MKI67: variants seen among roughly 807,000 people sequenced by gnomAD.
MKI67 encodes proliferation marker protein Ki-67.
In MKI67, 152 loss-of-function variants were observed where a neutral mutation model predicts 233.5. That is an observed-to-expected ratio of 0.65 (90% CI 0.57 to 0.74). MKI67 has a LOEUF of 0.74. MKI67 is among the 30% of genes least tolerant of loss of function. MKI67 has a pLI of 0.00. For missense variants in MKI67, 3,940 were observed against 3,885.2 expected (o/e 1.01, Z -0.37); for synonymous variants, 1,465 against 1,418.5 (o/e 1.03, Z -0.74).
intron 11 of MKI67, 32 bp from the exon 12 acceptor site, chr10:128,110,565 A>T: frequency 6.7e-7 from 1 of 1,502,774 alleles, no homozygotes; most frequent in Non-Finnish European, 9.1e-7. Context: ...AAAGTGATTG[A>T]CATATTGCTA....
intron 4 of MKI67, among the ~76,000 whole-genome samples, chr10:128,121,988 C>T (rs1038146404): frequency 6.6e-5 from 10 of 152,108 alleles, no homozygotes; most frequent in Non-Finnish European, 1.5e-4. Context: ...TAGTGAAACT[C>T]GAGACGTTTA....
At chr10:128,113,212 C>T (rs975833913) in intron 8 of MKI67, among the ~76,000 whole-genome samples, 3 of 152,144 alleles carry the variant, frequency 2.0e-5, no homozygotes, top group East Asian at 3.9e-4. Flanking sequence ...AGGACTCCCC[C>T]GACTCGGTCG....
At chr10:128,118,679 C>T (rs1004674692) in intron 5 of MKI67, among the ~76,000 whole-genome samples, 4 of 152,158 alleles carry the variant, frequency 2.6e-5, no homozygotes, top group Non-Finnish European at 4.4e-5. Flanking sequence ...ATCTAAATTG[C>T]GAAGCACGTG....
intron 5 of MKI67, 98 bp from the exon 6 acceptor site, chr10:128,116,634 T>C: frequency 5.9e-6 from 7 of 1,184,870 alleles, no homozygotes; most frequent in Non-Finnish European, 8.7e-6. Flanking sequence ...TGGCTGGGCA[T>C]GATGGCTCAT....
In MKI67 at chr10:128,106,230, T is replaced by C; in HGVS notation, c.5610A>G (p.Pro1870=). The change falls in exon 13 of 15, where the codon CCA becomes CCG. Residue 1870 remains proline (P), a synonymous_variant. Transcript: ENST00000368654. ...TCTTGGGCCGTTGCTTTGTGTTTGT[T>C]GGGGTGTCCGCTGGGTCTGATTGCG... ...KSPQSDPADT[P]TNTKQRPKRS... 1 of 1,614,046 alleles carries C rather than the reference T, an allele frequency of 6.2e-7. No homozygotes were observed. Among genetic ancestry groups the C allele is most frequent in the Non-Finnish European group, 8.5e-7 (1 of 1,180,012 alleles).
At chr10:128,124,531 T>A (rs1853015779) in intron 2 of MKI67, among the ~76,000 whole-genome samples, 1 of 152,174 alleles carries the variant, frequency 6.6e-6, no homozygotes, top group African/African-American at 2.4e-5. Flanking sequence ...AGATTGCAAA[T>A]CCATGGCTCC....
intron 13 of MKI67, 21 bp from the exon 14 acceptor site, chr10:128,101,722 C>G: frequency 6.5e-7 from 1 of 1,541,910 alleles, no homozygotes; most frequent in Non-Finnish European, 8.7e-7. Context: ...GAGAAGACAT[C>G]CACAAAATTC....
rs781189041 is a variant in MKI67 at position 128,115,037 on chromosome 10, T to C, written c.1371A>G (p.Gln457=). The C allele has an allele frequency of 3.1e-6, 5 of 1,613,084 alleles. No individual in the cohort carries two copies. Among genetic ancestry groups the C allele is most frequent in the East Asian group, 4.5e-5 (2 of 44,866 alleles). ...LWLTQVERKI[Q]KDSLSKPEKL... is the part of the protein sequence containing the mutation. Reference sequence around the variant, plus strand: ...TCTCAGGCTTGCTGAGGGAATCCTTTTGGATCTTCCTCTCAACTTGAGTGA... The same window carrying C: ...TCTCAGGCTTGCTGAGGGAATCCTTCTGGATCTTCCTCTCAACTTGAGTGA... Residue 457 remains glutamine (Q), a synonymous_variant, in exon 7 of 15, where the codon CAA becomes CAG. Transcript: ENST00000368654.
At chr10:128,101,120 G>A in intron 14 of MKI67, 138 bp downstream of exon 14, 2 of 769,718 alleles carry the variant, frequency 2.6e-6, no homozygotes, top group Non-Finnish European at 4.1e-6. Context: ...TTAGCATAAT[G>A]CTCCTTCCAT....
Position 128,121,744 on chromosome 10 carries a change from T to C in MKI67, c.287+1137A>G, listed in dbSNP as rs374302716. On this transcript the variant is annotated intron_variant, in intron 4 of 14. Coordinates refer to ENST00000368654, the MANE Select transcript of MKI67 (RefSeq NM_002417.5). Reference sequence around the variant, plus strand: ...AGACTAGACATTAGTCAAATGTCCATCAAGAATGAATGAATTCTGTATAGT... The same window carrying C: ...AGACTAGACATTAGTCAAATGTCCACCAAGAATGAATGAATTCTGTATAGT... Among the ~76,000 whole-genome samples, 3 of 151,434 alleles carry C rather than the reference T, an allele frequency of 2.0e-5. No individual in the cohort carries two copies. In the East Asian group the frequency reaches 5.8e-4, roughly 29 times the overall value.
At chr10:128,121,492 A>G (rs1852941599) in intron 4 of MKI67, among the ~76,000 whole-genome samples, 1 of 128,512 alleles carries the variant, frequency 7.8e-6, no homozygotes, top group South Asian at 2.2e-4. Context: ...TATATTATAT[A>G]TTACTATATA....
chr10:128,108,804 T>C lies in MKI67; in HGVS notation c.3036A>G (p.Pro1012=). The part of the protein sequence containing the change: ...ITKMPCQSLQ[P]EPINTPTHTK... ...TGTGTGTTGGGGTGTTTATTGGTTC[T>C]GGTTGTAATGACTGGCAGGGCATTT... Residue 1012 remains proline (P), a synonymous_variant, in exon 13 of 15, where the codon CCA becomes CCG. Coordinates refer to ENST00000368654, the MANE Select transcript of MKI67 (RefSeq NM_002417.5). 6.2e-7 allele frequency: 1 copy of C among 1,614,238 alleles called. No individual in the cohort carries two copies. Among genetic ancestry groups the C allele is most frequent in the African/African-American group, 1.3e-5 (1 of 75,062 alleles).
chr10:128,106,056 C>T lies in MKI67; in HGVS notation c.5784G>A (p.Leu1928=). ...TGCCAGGTAAATTTCCTAGCAGGTC[C>T]AGTTTCTCCACTGGAGTCCCCACAA... is the stretch of plus-strand genomic sequence containing the variant. ...NTFVGTPVEK[L]DLLGNLPGSK... Residue 1928 remains leucine, a synonymous_variant, in exon 13 of 15, where the codon CTG becomes CTA. Transcript: ENST00000368654. 2 of 1,613,918 alleles carry T rather than the reference C, an allele frequency of 1.2e-6. No individual in the cohort carries two copies. The highest frequency in any genetic ancestry group is 1.7e-6 in the Non-Finnish European group (2 of 1,179,986).
chr10:128,115,833 C>T lies in MKI67; in HGVS notation c.575G>A (p.Gly192Asp). 6.2e-7 allele frequency: 1 copy of T among 1,609,146 alleles called. No homozygotes were observed. The highest frequency in any genetic ancestry group is 8.5e-7 in the Non-Finnish European group (1 of 1,179,946). Residue 192 changes from glycine (G) to aspartate (D), a missense_variant, in exon 7 of 15, where the codon GGC becomes GAC. Coordinates refer to ENST00000368654, the MANE Select transcript of MKI67 (RefSeq NM_002417.5). The part of the protein sequence containing the change: ...VHSSEHAGRN[G>D]RNAADPISGD... ...AGAAATGGGATCAGCTGCATTTCTGCCATTACGTCCAGCATGTTCTGAGGA... is the reference window on the plus strand; with the variant it reads ...AGAAATGGGATCAGCTGCATTTCTGTCATTACGTCCAGCATGTTCTGAGGA...
chr10:128,114,776 G>A (rs368849886), intron 7 of MKI67, 152 bp downstream of exon 7: 70 of 695,540 alleles, frequency 1.0e-4, no homozygotes, highest in Non-Finnish European at 1.5e-4. Context: ...ATCTATTAGC[G>A]AAAACAGCGT....
Position 128,101,654 on chromosome 10 carries a change from C to T in MKI67, c.9309G>A (p.Gln3103=), listed in dbSNP as rs1590292251. 1 of 1,611,676 alleles carries T rather than the reference C, an allele frequency of 6.2e-7. No individual in the cohort carries two copies. The change falls in exon 14 of 15, where the codon CAG becomes CAA. Residue 3103 remains glutamine (Q), a synonymous_variant. Coordinates refer to ENST00000368654, the MANE Select transcript of MKI67 (RefSeq NM_002417.5). The part of the protein sequence containing the change: ...SRRQNKTEAE[Q]QITEVFVLAE... ...CTAATACAAAGACCTCAGTTATTTG[C>T]TGTTCTGCCTCAGTCTTATTTTGGC...
rs190275462 is a variant in MKI67 at position 128,107,932 on chromosome 10, A to G, written c.3908T>C (p.Val1303Ala). 11 of 1,609,956 alleles carry G rather than the reference A, an allele frequency of 6.8e-6. No homozygotes were observed. Among genetic ancestry groups the G allele is most frequent in the Admixed American group, 6.7e-5 (4 of 59,446 alleles). The change falls in exon 13 of 15, where the codon GTA (valine) becomes GCA (alanine). Residue 1303 changes from valine (V) to alanine (A), a missense_variant. Coordinates refer to ENST00000368654, the MANE Select transcript of MKI67 (RefSeq NM_002417.5). ...TATGATGATGTCTTTCTCTTCACCT[A>G]CTGATGGTTTAGGCGTGTGCATGGC... ...GKAMHTPKPS[V>A]GEEKDIIIFV... is the part of the protein sequence containing the mutation.
chr10:128,101,230 T>C (rs776908744), intron 14 of MKI67, 28 bp downstream of exon 14: 1 of 1,590,708 alleles, frequency 6.3e-7, no homozygotes, highest in Non-Finnish European at 8.6e-7. Flanking sequence ...CTGTGTCTTT[T>C]AAAACAGGGA....
chr10:128,098,329 T>TG lies in MKI67; in HGVS notation c.*860dup, dbSNP rs1281635553. On this transcript the variant is annotated 3_prime_UTR_variant, in exon 15 of 15. Transcript: ENST00000368654. The stretch of plus-strand genomic sequence containing the variant: ...AGAGTACTGGTGTCACTTCCTGTAC[T>TG]GGGTGGCATCGGGCTGCCAGATAGA... The TG allele has an allele frequency of 1.3e-5, 2 of 152,096 alleles. No individual in the cohort carries two copies. Among genetic ancestry groups the TG allele is most frequent in the Admixed American group, 1.3e-4 (2 of 15,268 alleles). 9.4% of individuals were successfully genotyped at this position (152,096 alleles called of 1,614,324 possible). A position where few individuals can be genotyped will look rare whatever the true frequency, so the allele number is the denominator to read the frequency against.
Sources: gnomAD v4.1 joint callset for allele counts (sites outside exome capture counted in the v4.1 genomes callset) on GRCh38, gnomAD v4.1.1 for gene constraint, MANE v1.5 for transcripts, NCBI Gene and HGNC (gene_info 2026-07-23, HGNC 2026-07-21) for gene names.